Variants in ANKMY1 observed in about 807,000 individuals in gnomAD.
ANKMY1 encodes the protein ankyrin repeat and MYND domain-containing protein 1.
In ANKMY1, 98 loss-of-function variants were observed where a neutral mutation model predicts 102.0. That is an observed-to-expected ratio of 0.96 (90% CI 0.82 to 1.14). The LOEUF (loss-of-function observed/expected upper bound fraction) is 1.14, where lower values mean the gene tolerates loss of function less well. ANKMY1 is among the 50% of genes most tolerant of loss of function. The pLI, the probability that ANKMY1 is intolerant of heterozygous loss-of-function variation, is 0.00. For synonymous variants in ANKMY1, 582 were observed against 559.9 expected, an observed-to-expected ratio of 1.04 and a Z score of -0.56; for missense variants, 1,330 against 1,347.6, an observed-to-expected ratio of 0.99 and a Z score of 0.20.
Position 240,500,512 on chromosome 2 carries a change from C to A in ANKMY1, c.2580G>T (p.Arg860Ser), listed in dbSNP as rs781593285. The A allele has an allele frequency of 6.2e-7, 1 of 1,614,168 alleles. No individual in the cohort carries two copies. The highest frequency in any genetic ancestry group is 1.1e-5 in the South Asian group (1 of 91,088). Residue 860 changes from arginine (R) to serine (S), a missense_variant, in exon 14 of 18, where the codon AGG becomes AGT. By Grantham distance (110) the Arg-to-Ser change is moderately radical. Coordinates refer to ENST00000401804, the MANE Select transcript of ANKMY1 (RefSeq NM_001282771.3). Reference sequence around the variant, plus strand: ...TGCCCACTGCCTCCTTTTCTCCCTGCCTGAGCATTACAGGCTTCAGGATGT... The same window carrying A: ...TGCCCACTGCCTCCTTTTCTCCCTGACTGAGCATTACAGGCTTCAGGATGT... ...GADILKPVML[R>S]QGEKEAVGTA...
chr2:240,512,115 C>A (rs974471056), intron 10 of ANKMY1, 114 bp from the exon 11 acceptor site: 1 of 1,293,300 alleles, frequency 7.7e-7, no homozygotes, highest in African/African-American at 1.6e-5. Flanking sequence ...TCTCACCCTG[C>A]GAAACCCTCT....
chr2:240,489,775 T>C (rs1359235814), intron 15 of ANKMY1, among the ~76,000 whole-genome samples: 1 of 152,204 alleles, frequency 6.6e-6, no homozygotes, highest in Non-Finnish European at 1.5e-5. Context: ...ACTGGCCTGA[T>C]AGAATGAGTT....
At chr2:240,560,992 G>A (rs1377303557), upstream of ANKMY1, 1 of 1,544,012 alleles carries the variant, frequency 6.5e-7, no homozygotes. Context: ...CTAGTCTACT[G>A]CAAGAACGGC....
chr2:240,470,636 T>C, the ANKMY1 span, among the ~76,000 whole-genome samples: 16 of 152,272 alleles, frequency 1.1e-4, no homozygotes, highest in Admixed American at 9.8e-4. Context: ...AAAAAACTCA[T>C]AGGAGACGTC....
chr2:240,560,888 GC>G, upstream of ANKMY1: 1 of 1,514,058 alleles, frequency 6.6e-7, no homozygotes, highest in Non-Finnish European at 8.7e-7. Context: ...AGCTGCGCGT[GC>G]CCGTGTTCGA....
chr2:240,557,494 C>A, intron 1 of ANKMY1, 142 bp from the exon 2 acceptor site: 1 of 928,146 alleles, frequency 1.1e-6, no homozygotes, highest in Non-Finnish European at 1.5e-6. Context: ...GGGCCGCCAC[C>A]CACAGGTCCC....
At chr2:240,501,017 T>C (rs369796550) in intron 13 of ANKMY1, among the ~76,000 whole-genome samples, 1 of 152,116 alleles carries the variant, frequency 6.6e-6, no homozygotes, top group East Asian at 1.9e-4. Context: ...TAGATGTGTG[T>C]GGGGCGGGGG....
At chr2:240,560,614 ACTC>A (rs2092893834), upstream of ANKMY1, 5 of 1,360,808 alleles carry the variant, frequency 3.7e-6, no homozygotes, top group East Asian at 1.5e-4. Flanking sequence ...CCACAAATAG[ACTC>A]CTGGGCGGGC....
chr2:240,470,110 A>G, the ANKMY1 span, among the ~76,000 whole-genome samples: 9 of 152,224 alleles, frequency 5.9e-5, no homozygotes, highest in Admixed American at 2.6e-4. Flanking sequence ...GGTGACCCTA[A>G]GTATTCTTTA....
intron 15 of ANKMY1, among the ~76,000 whole-genome samples, chr2:240,483,447 G>A (rs564083244): frequency 7.3e-4 from 111 of 152,230 alleles, no homozygotes; most frequent in African/African-American, 2.4e-3. Flanking sequence ...GTGAGCCACC[G>A]CATCTGGCCT....
chr2:240,469,326 C>T, the ANKMY1 span, among the ~76,000 whole-genome samples: 2 of 152,196 alleles, frequency 1.3e-5, no homozygotes, highest in Non-Finnish European at 2.9e-5. Flanking sequence ...CCTGCCTTCC[C>T]GGCCACACCT....
intron 15 of ANKMY1, among the ~76,000 whole-genome samples, chr2:240,496,996 C>A (rs938830796): frequency 6.6e-6 from 1 of 152,218 alleles, no homozygotes; most frequent in East Asian, 1.9e-4. Context: ...ACCTATATTT[C>A]CAGTAAGTTT....
chr2:240,474,722 T>G (rs1027372904), downstream of ANKMY1, among the ~76,000 whole-genome samples: 5 of 152,226 alleles, frequency 3.3e-5, no homozygotes, highest in Non-Finnish European at 7.3e-5. Flanking sequence ...AGCCTCCAGC[T>G]CCATCCACAT....
intron 5 of ANKMY1, among the ~76,000 whole-genome samples, 194 bp downstream of exon 5, chr2:240,528,843 G>A (rs2084533781): frequency 6.6e-6 from 1 of 152,168 alleles, no homozygotes; most frequent in African/African-American, 2.4e-5. Context: ...GACCCGGCCT[G>A]CCTCCCAGCT....
In ANKMY1 at chr2:240,524,052, C is replaced by T. The variant is rs778740670; in HGVS notation, c.1665G>A (p.Thr555=). 25 of 1,613,928 alleles carry T rather than the reference C, an allele frequency of 1.5e-5. No individual in the cohort carries two copies. The East Asian group carries it at 2.9e-4, about 19-fold the overall frequency. The change falls in exon 8 of 18, where the codon ACG becomes ACA. Residue 555 remains threonine, a synonymous_variant. Transcript: ENST00000401804. ...TDRGSLCSAE[T]KFESNVCVCD... ...ACACACACACGTTGGACTCAAATTT[C>T]GTCTCAGCACTGCACAGACTGCCCC...
chr2:240,512,983 C>T (rs758387843), intron 9 of ANKMY1, 41 bp from the exon 10 acceptor site: 8 of 1,591,974 alleles, frequency 5.0e-6, no homozygotes, highest in East Asian at 2.3e-5. Flanking sequence ...GGCACATTCT[C>T]GTAGGGAGAG....
chr2:240,544,035 T>C (rs2089678229), intron 4 of ANKMY1, among the ~76,000 whole-genome samples: 2 of 152,152 alleles, frequency 1.3e-5, no homozygotes. Context: ...AAAAGAATAA[T>C]TTTGTCCAAC....
intron 17 of ANKMY1, 50 bp from the exon 18 acceptor site, chr2:240,479,705 C>T: frequency 6.4e-7 from 1 of 1,571,638 alleles, no homozygotes. Context: ...CTGGAGCTGG[C>T]CTCCCCCGAG....
At chr2:240,560,927 C>T, upstream of ANKMY1, 3 of 1,539,268 alleles carry the variant, frequency 1.9e-6, no homozygotes, top group South Asian at 1.2e-5. Context: ...TGCTGGCGCA[C>T]CTGGAGCCCA....
Sources: gnomAD v4.1 joint callset for allele counts (sites outside exome capture counted in the v4.1 genomes callset) on GRCh38, gnomAD v4.1.1 for gene constraint, MANE v1.5 for transcripts, NCBI Gene and HGNC (gene_info 2026-07-23, HGNC 2026-07-21) for gene names.